Variants in INSC observed in about 807,000 individuals in gnomAD.
INSC encodes the protein protein inscuteable homolog.
A neutral mutation model predicts 58.6 loss-of-function variants in INSC; 67 were observed. The observed-to-expected ratio is 1.14, with a 90% CI of 0.94 to 1.40. The LOEUF (loss-of-function observed/expected upper bound fraction) is 1.40, where lower values mean the gene tolerates loss of function less well. INSC is among the 40% of genes most tolerant of loss of function. The pLI is 0.00. For missense variants in INSC, 714 were observed against 692.0 expected, an observed-to-expected ratio of 1.03 and a Z score of -0.36; for synonymous variants, 262 against 276.1, an observed-to-expected ratio of 0.95 and a Z score of 0.51.
In INSC at chr11:15,243,889, T is replaced by C. The variant is rs536793355; in HGVS notation, c.1471-2023T>C. Among the ~76,000 whole-genome samples, 6 of 146,974 alleles carry C rather than the reference T, an allele frequency of 4.1e-5. No homozygotes were observed. The East Asian group carries it at 1.2e-3, about 29-fold the overall frequency. On this transcript the variant is annotated intron_variant, in intron 12 of 12. Transcript: ENST00000379556. ...CTCTTTTATTTTCTTTGCCACTATTTCTTTTTTTTTTTTCCTCCATCTCTT... is the reference window on the plus strand; with the variant it reads ...CTCTTTTATTTTCTTTGCCACTATTCCTTTTTTTTTTTTCCTCCATCTCTT...
chr11:15,226,190 A>C (rs1851632009), intron 9 of INSC, among the ~76,000 whole-genome samples: 1 of 152,012 alleles, frequency 6.6e-6, no homozygotes, highest in Admixed American at 6.6e-5. Context: ...TGGGAGGCGG[A>C]AAGACCCATG....
chr11:15,229,959 T>TATTATATATATATATATA (rs1332890613), intron 9 of INSC, among the ~76,000 whole-genome samples: 1 of 13,156 alleles, frequency 7.6e-5, no homozygotes, highest in Non-Finnish European at 1.6e-4. Flanking sequence ...TATATATATA[T>TATTATATATATATATATA]TTATATATAT....
intron 1 of INSC, among the ~76,000 whole-genome samples, chr11:15,117,032 C>T (rs1182838339): frequency 6.7e-6 from 1 of 149,288 alleles, no homozygotes; most frequent in South Asian, 2.1e-4. Flanking sequence ...AACCTCTGCC[C>T]CCCGGATTCA....
chr11:15,225,152 C>G (rs1372033134), intron 8 of INSC, among the ~76,000 whole-genome samples: 5 of 152,294 alleles, frequency 3.3e-5, no homozygotes, highest in Admixed American at 3.3e-4. Flanking sequence ...CCCCTTTCTT[C>G]CCTTAAGGTC....
chr11:15,163,220 G>A (rs1365685026), intron 2 of INSC, among the ~76,000 whole-genome samples: 1 of 152,078 alleles, frequency 6.6e-6, no homozygotes, highest in African/African-American at 2.4e-5. Context: ...ATAAAGTATT[G>A]CTCTCAGAAT....
At chr11:15,161,952 T>C (rs1849034913) in intron 2 of INSC, among the ~76,000 whole-genome samples, 1 of 152,224 alleles carries the variant, frequency 6.6e-6, no homozygotes, top group Non-Finnish European at 1.5e-5. Context: ...TATAGCTTGT[T>C]ACATAAATAA....
At chr11:15,134,521 T>C (rs1196393070) in intron 1 of INSC, among the ~76,000 whole-genome samples, 1 of 152,220 alleles carries the variant, frequency 6.6e-6, no homozygotes, top group East Asian at 1.9e-4. Flanking sequence ...CATTAATTTT[T>C]GGACTCTGGC....
At chr11:15,112,570 G>T, upstream of INSC, 1 of 1,546,800 alleles carries the variant, frequency 6.5e-7, no homozygotes, top group Non-Finnish European at 8.8e-7. Context: ...TGTGCCGTAT[G>T]TATCTGGGAA....
intron 1 of INSC, among the ~76,000 whole-genome samples, chr11:15,123,965 G>A (rs1381223432): frequency 6.6e-6 from 1 of 152,150 alleles, no homozygotes; most frequent in Non-Finnish European, 1.5e-5. Context: ...TAAGTCCAGT[G>A]AGCCATCCTT....
At chr11:15,182,773 A>G (rs536281454) in intron 5 of INSC, among the ~76,000 whole-genome samples, 3 of 152,320 alleles carry the variant, frequency 2.0e-5, no homozygotes, top group Admixed American at 1.3e-4. Flanking sequence ...TTTTAAGGAA[A>G]TCTTATTTCC....
intron 7 of INSC, among the ~76,000 whole-genome samples, chr11:15,206,661 G>T (rs1169173315): frequency 2.0e-5 from 3 of 152,128 alleles, no homozygotes; most frequent in Admixed American, 2.0e-4. Flanking sequence ...AGGTGAACTG[G>T]CATTACCAAG....
intron 9 of INSC, 68 bp downstream of exon 9, chr11:15,225,896 C>T (rs1187607749): frequency 2.1e-5 from 31 of 1,491,182 alleles, no homozygotes; most frequent in Non-Finnish European, 2.2e-5. Flanking sequence ...GAGGCCAGCA[C>T]GTAGTTTCTG....
At chr11:15,186,760 A>G (rs571933290) in intron 5 of INSC, among the ~76,000 whole-genome samples, 1 of 152,242 alleles carries the variant, frequency 6.6e-6, no homozygotes, top group East Asian at 1.9e-4. Context: ...GAAATACTGC[A>G]TCCCCACTTC....
At position 15,175,991 on chromosome 11, in the gene INSC, G is replaced by A. The variant is rs1309105586; in HGVS notation, c.307G>A (p.Val103Met). The A allele has an allele frequency of 6.2e-7, 1 of 1,610,248 alleles. No homozygotes were observed. Among genetic ancestry groups the A allele is most frequent in the Non-Finnish European group, 8.5e-7 (1 of 1,178,236 alleles). ...GCTGGCCCAGGACCGCTGGGCACGG[G>A]TGCACAGCATGAGCGTGCGTCTGAC... ...QKLAQDRWAR[V>M]HSMSVRLTCH... Residue 103 changes from valine (V) to methionine (M), a missense_variant, in exon 3 of 13, where the codon GTG becomes ATG. Val to Met is a conservative substitution (Grantham distance 21). Coordinates refer to ENST00000379556, the MANE Select transcript of INSC (RefSeq NM_001042536.3).
At chr11:15,170,468 G>A (rs953503142) in intron 2 of INSC, among the ~76,000 whole-genome samples, 10 of 152,066 alleles carry the variant, frequency 6.6e-5, no homozygotes, top group African/African-American at 2.4e-4. Flanking sequence ...TTTGTCTGAC[G>A]CTTCCCTCAT....
chr11:15,167,583 C>T (rs917663163), intron 2 of INSC, among the ~76,000 whole-genome samples: 1 of 151,912 alleles, frequency 6.6e-6, no homozygotes, highest in Non-Finnish European at 1.5e-5. Flanking sequence ...GCCTCAGCCT[C>T]TTGAGTATCC....
intron 3 of INSC, 128 bp downstream of exon 3, chr11:15,176,214 AG>A: frequency 1.3e-6 from 1 of 750,546 alleles, no homozygotes; most frequent in South Asian, 2.3e-5. Context: ...CCAGTAAAGG[AG>A]GAAAGAAAGA....
the INSC span, among the ~76,000 whole-genome samples, chr11:15,267,355 A>G: frequency 1.1e-4 from 17 of 152,006 alleles, no homozygotes; most frequent in African/African-American, 4.1e-4. Flanking sequence ...CTCTCACTCA[A>G]GGACTCCAAT....
At chr11:15,219,524 G>C (rs1179935268) in intron 7 of INSC, among the ~76,000 whole-genome samples, 2 of 152,158 alleles carry the variant, frequency 1.3e-5, no homozygotes, top group Admixed American at 6.5e-5. Context: ...GGACTAGGGA[G>C]CAGGCCTGGC....
Sources: gnomAD v4.1 joint callset for allele counts (sites outside exome capture counted in the v4.1 genomes callset) on GRCh38, gnomAD v4.1.1 for gene constraint, MANE v1.5 for transcripts, NCBI Gene and HGNC (gene_info 2026-07-23, HGNC 2026-07-21) for gene names.